Variants in CAGE1 observed in about 807,000 individuals in gnomAD.
CAGE1 encodes the protein cancer antigen 1, also known as cancer-associated gene 1 protein.
A neutral mutation model predicts 94.9 loss-of-function variants in CAGE1; 66 were observed. The ratio of observed to expected loss-of-function variants is 0.70; its 90% CI spans 0.57 to 0.85. The LOEUF (loss-of-function observed/expected upper bound fraction) is 0.85. Ranked by LOEUF, CAGE1 falls within the 40% of genes least tolerant of loss-of-function variation. The pLI, the probability that CAGE1 is intolerant of heterozygous loss-of-function variation, is 0.00. For missense variants in CAGE1, 865 were observed against 950.4 expected, an observed-to-expected ratio of 0.91 and a Z score of 1.18; for synonymous variants, 319 against 321.0, an observed-to-expected ratio of 0.99 and a Z score of 0.07.
chr6:7,326,953 G>T, intron 13 of CAGE1, 54 bp from the exon 14 acceptor site: 2 of 1,413,372 alleles, frequency 1.4e-6, no homozygotes, highest in Non-Finnish European at 2.0e-6. Context: ...CTAACATTCA[G>T]TGACAGAACC....
In CAGE1 at chr6:7,378,954, G is replaced by A. The variant is rs761705592; in HGVS notation, c.350C>T (p.Ser117Phe). The change falls in exon 4 of 14, where the codon TCC becomes TTC. Residue 117 changes from serine to phenylalanine, a missense_variant. Transcript: ENST00000502583. ...GCAAACGGTTTCAAATTGTCTCAAGGAAGATATGCTGATGGTGTCAACTGG... is the reference window on the plus strand; with the variant it reads ...GCAAACGGTTTCAAATTGTCTCAAGAAAGATATGCTGATGGTGTCAACTGG... ...IQPVDTISISSLRQFETVCKF... is the reference protein window; with the variant it reads ...IQPVDTISISFLRQFETVCKF... The A allele has an allele frequency of 1.3e-6, 2 of 1,581,298 alleles. No homozygotes were observed. The highest frequency in any genetic ancestry group is 1.7e-6 in the Non-Finnish European group (2 of 1,161,990).
chr6:7,368,784 A>G lies in CAGE1; in HGVS notation c.1908T>C (p.Ser636=), dbSNP rs1283230091. ...CACTCTCTTTGAAATGTTCAGCATC[A>G]GAATTGATGATGTCCTAAGGGTAAG... ...GLLTCQDIIN[S]DAEHFKESEK... is the part of the protein sequence containing the mutation. Residue 636 remains serine, a synonymous_variant, in exon 7 of 14, where the codon TCT becomes TCC. Coordinates refer to ENST00000502583, the MANE Select transcript of CAGE1 (RefSeq NM_001170692.2). 1.3e-6 allele frequency: 2 copies of G among 1,544,302 alleles called. No individual in the cohort carries two copies. Among genetic ancestry groups the G allele is most frequent in the Non-Finnish European group, 1.7e-6 (2 of 1,143,902 alleles).
chr6:7,344,332 G>A (rs1759322108), intron 11 of CAGE1, among the ~76,000 whole-genome samples: 5 of 152,264 alleles, frequency 3.3e-5, no homozygotes, highest in South Asian at 2.1e-4. Flanking sequence ...GGCCCTGCCA[G>A]CCCGGGCAAT....
rs1476878323 is a variant in CAGE1, at chr6:7,369,917, A to C, written c.1893+2T>G. 3 of 1,606,986 alleles carry C rather than the reference A, an allele frequency of 1.9e-6. No individual in the cohort carries two copies. The South Asian group carries it at 3.3e-5, about 18-fold the overall frequency. On this transcript the variant is annotated splice_donor_variant, in intron 6 of 13. Coordinates refer to ENST00000502583, the MANE Select transcript of CAGE1 (RefSeq NM_001170692.2). LOFTEE classifies it high-confidence loss of function. ...AAATATCTAATATATATGTTTTATT[A>C]CCTGGCATGTGAGAAGTCCCACCAT... is the stretch of plus-strand genomic sequence containing the variant.
chr6:7,355,688 G>T (rs1393007572), intron 10 of CAGE1, among the ~76,000 whole-genome samples: 1 of 152,116 alleles, frequency 6.6e-6, no homozygotes, highest in Non-Finnish European at 1.5e-5. Context: ...TTTTTAAAAG[G>T]CACAAATATT....
chr6:7,373,672 G>C lies in CAGE1; in HGVS notation c.1147C>G (p.Gln383Glu). The change falls in exon 5 of 14, where the codon CAG becomes GAG. Residue 383 changes from glutamine (Q) to glutamate (E), a missense_variant. Gln to Glu is a conservative substitution (Grantham distance 29). Transcript: ENST00000502583. ...TTAGCTAAAACCTCTTCCAAATTCTGCAATGTCTTTTTAGTATCATTCTTC... is the reference window on the plus strand; with the variant it reads ...TTAGCTAAAACCTCTTCCAAATTCTCCAATGTCTTTTTAGTATCATTCTTC... ...LEKNDTKKTL[Q>E]NLEEVLANTQ... is the part of the protein sequence containing the mutation. 1.2e-6 allele frequency: 2 copies of C among 1,613,042 alleles called. No individual in the cohort carries two copies. The highest frequency in any genetic ancestry group is 1.7e-6 in the Non-Finnish European group (2 of 1,179,440).
chr6:7,350,376 C>A (rs138895051), intron 11 of CAGE1, among the ~76,000 whole-genome samples: 1,704 of 152,256 alleles, frequency 0.011, 27 homozygotes, highest in African/African-American at 0.039. Flanking sequence ...AACAAAGAAA[C>A]AATGGAGTTA....
intron 3 of CAGE1, among the ~76,000 whole-genome samples, chr6:7,385,309 C>T (rs933710462): frequency 1.6e-4 from 24 of 147,654 alleles, no homozygotes; most frequent in African/African-American, 5.4e-4. Context: ...CTGGCCCCCG[C>T]TTTTTTTTTT....
At chr6:7,387,504 A>G (rs1244639508) in intron 1 of CAGE1, among the ~76,000 whole-genome samples, 2 of 152,202 alleles carry the variant, frequency 1.3e-5, no homozygotes, top group Non-Finnish European at 2.9e-5. Context: ...GAGACCTAAT[A>G]GTTTCCACAA....
At chr6:7,382,450 C>T (rs1251073530) in intron 3 of CAGE1, among the ~76,000 whole-genome samples, 4 of 151,876 alleles carry the variant, frequency 2.6e-5, no homozygotes, top group Non-Finnish European at 5.9e-5. Flanking sequence ...TACAGGCACG[C>T]GCCACTATGC....
At chr6:7,357,100 A>G (rs9502606) in intron 9 of CAGE1, among the ~76,000 whole-genome samples, 8,044 of 152,192 alleles carry the variant, frequency 0.053, 351 homozygotes, top group African/African-American at 0.12. Context: ...GCCCAGCCTA[A>G]TGTTTCAAAT....
intron 11 of CAGE1, 52 bp downstream of exon 11, chr6:7,354,989 A>G: frequency 3.2e-6 from 4 of 1,267,614 alleles, no homozygotes; most frequent in Non-Finnish European, 4.5e-6. Flanking sequence ...AATCCAGAGA[A>G]TAAGGTATTA....
chr6:7,327,984 C>G (rs943174456), intron 13 of CAGE1, among the ~76,000 whole-genome samples: 1 of 150,010 alleles, frequency 6.7e-6, no homozygotes, highest in Non-Finnish European at 1.5e-5. Flanking sequence ...ATTAAGGCAC[C>G]CTCTTAGTTC....
chr6:7,357,128 G>C (rs1413598527), intron 9 of CAGE1, among the ~76,000 whole-genome samples: 2 of 151,876 alleles, frequency 1.3e-5, no homozygotes. Flanking sequence ...CATGTCTGTA[G>C]TGAAGAACCC....
In CAGE1 at chr6:7,339,352, C is replaced by T. The variant is rs1759083188; in HGVS notation, c.2370-5262G>A. The T allele has an allele frequency of 1.9e-6, 3 of 1,609,056 alleles. No homozygotes were observed. The highest frequency in any genetic ancestry group is 2.6e-6 in the Non-Finnish European group (3 of 1,175,954). On this transcript the variant is annotated intron_variant, in intron 11 of 13. Coordinates refer to ENST00000502583, the MANE Select transcript of CAGE1 (RefSeq NM_001170692.2). This position sits in a 1 kb window ranked among gnomAD's most constrained non-coding sequence, Gnocchi z 4.7. ...TCTGGAGAGCCAAACCTCTTCTGAA[C>T]TACAGCAGTCAGTTCCCGAATCCGC...
chr6:7,368,084 T>C (rs961789999), intron 7 of CAGE1, among the ~76,000 whole-genome samples: 1 of 151,750 alleles, frequency 6.6e-6, no homozygotes, highest in African/African-American at 2.4e-5. Flanking sequence ...AAGCCCCGTC[T>C]CTACTAAAAA....
intron 12 of CAGE1, among the ~76,000 whole-genome samples, chr6:7,330,207 G>A (rs1323732883): frequency 6.6e-6 from 1 of 152,138 alleles, no homozygotes; most frequent in Non-Finnish European, 1.5e-5. Flanking sequence ...TGCCAACATG[G>A]TGAAACCCTG....
At chr6:7,331,366 C>T in intron 12 of CAGE1, 1 of 1,011,066 alleles carries the variant, frequency 9.9e-7, no homozygotes, top group Non-Finnish European at 1.4e-6. Context: ...CCCAGGACAG[C>T]ATATGAGAAC....
intron 8 of CAGE1, 70 bp downstream of exon 8, chr6:7,365,734 A>G: frequency 7.5e-7 from 1 of 1,340,270 alleles, no homozygotes; most frequent in East Asian, 2.5e-5. Context: ...CAAATTTACC[A>G]AAAGAACATA....
Sources: gnomAD v4.1 joint callset for allele counts (sites outside exome capture counted in the v4.1 genomes callset) on GRCh38, gnomAD v4.1.1 for gene constraint, Gnocchi (gnomAD v3.1) non-coding constraint, MANE v1.5 for transcripts, NCBI Gene and HGNC (gene_info 2026-07-23, HGNC 2026-07-21) for gene names.